The following NELL2 variants were observed in gnomAD, a reference collection of about 807,000 sequenced individuals.
NELL2 encodes protein kinase C-binding protein NELL2.
In NELL2, 41 loss-of-function variants were observed where a neutral mutation model predicts 109.6. The ratio of observed to expected loss-of-function variants is 0.37; its 90% confidence interval spans 0.29 to 0.49. The LOEUF (loss-of-function observed/expected upper bound fraction) is 0.49, where lower values mean the gene tolerates loss of function less well. Ranked by LOEUF, NELL2 falls within the 20% of genes least tolerant of loss-of-function variation. The pLI is 0.98. For missense variants in NELL2, 900 were observed against 1,008.3 expected (o/e 0.89, Z 1.45); for synonymous variants, 355 against 344.7 (o/e 1.03, Z -0.33).
intron 2 of NELL2, among the ~76,000 whole-genome samples, chr12:44,838,045 T>C (rs546736411): frequency 2.0e-5 from 3 of 152,326 alleles, no homozygotes; most frequent in Admixed American, 6.5e-5. Context: ...AAGCACTTCA[T>C]GGAAGAATGG....
intron 2 of NELL2, 160 bp downstream of exon 2, chr12:44,875,065 A>G: frequency 1.0e-6 from 1 of 980,146 alleles, no homozygotes; most frequent in Non-Finnish European, 1.5e-6. Flanking sequence ...AAAACCACTT[A>G]AAAGAGATAG....
intron 9 of NELL2, among the ~76,000 whole-genome samples, chr12:44,756,156 C>T (rs748067427): frequency 3.9e-5 from 6 of 152,102 alleles, no homozygotes; most frequent in Admixed American, 6.6e-5. Flanking sequence ...AATATCCATC[C>T]ATTTCTCCCT....
intron 9 of NELL2, 60 bp from the exon 10 acceptor site, chr12:44,714,801 C>A: frequency 9.2e-7 from 1 of 1,090,532 alleles, no homozygotes; most frequent in South Asian, 1.6e-5. Flanking sequence ...TAGAAGGGAT[C>A]AGATCATCTT....
chr12:44,724,561 C>T (rs899346593), intron 9 of NELL2, among the ~76,000 whole-genome samples: 1 of 151,818 alleles, frequency 6.6e-6, no homozygotes, highest in Admixed American at 6.6e-5. Context: ...AAGTGAAAGA[C>T]CTCTACCAAG....
At chr12:44,617,010 G>A (rs1001433886) in intron 13 of NELL2, among the ~76,000 whole-genome samples, 1 of 152,146 alleles carries the variant, frequency 6.6e-6, no homozygotes, top group African/African-American at 2.4e-5. Context: ...TGAGTTTAAA[G>A]AATGTTCTAT....
intron 1 of NELL2, among the ~76,000 whole-genome samples, chr12:44,901,543 AT>A (rs1438574124): frequency 6.6e-6 from 1 of 152,190 alleles, no homozygotes; most frequent in Non-Finnish European, 1.5e-5. Flanking sequence ...TCCCTAACTC[AT>A]TTTATGAGGC....
chr12:44,799,527 C>G (rs1942758113), intron 3 of NELL2, among the ~76,000 whole-genome samples: 1 of 152,032 alleles, frequency 6.6e-6, no homozygotes, highest in Admixed American at 6.6e-5. Context: ...GTCAACTGCA[C>G]TCTTTCCTTC....
At chr12:44,910,748 A>G (rs1291718502) in intron 1 of NELL2, among the ~76,000 whole-genome samples, 16 of 152,080 alleles carry the variant, frequency 1.1e-4, no homozygotes. Context: ...AAAATGTGGT[A>G]CATATATATG....
chr12:44,842,965 T>C (rs974331918), intron 2 of NELL2, among the ~76,000 whole-genome samples: 5 of 152,144 alleles, frequency 3.3e-5, no homozygotes, highest in African/African-American at 1.2e-4. Flanking sequence ...GAGGAAGCCT[T>C]GCAAACACCT....
intron 13 of NELL2, among the ~76,000 whole-genome samples, chr12:44,662,084 A>G (rs779098081): frequency 1.1e-4 from 17 of 152,202 alleles, no homozygotes; most frequent in Non-Finnish European, 2.5e-4. Context: ...GGAAAATTAT[A>G]TTGAGTTTAG....
chr12:44,709,009 G>C (rs1359130445), intron 11 of NELL2, among the ~76,000 whole-genome samples: 1 of 151,982 alleles, frequency 6.6e-6, no homozygotes, highest in African/African-American at 2.4e-5. Context: ...ATGTAGTTAA[G>C]GTTTCTCTTG....
chr12:44,644,603 T>TAC (rs1491375793), intron 13 of NELL2, among the ~76,000 whole-genome samples: 1 of 88,072 alleles, frequency 1.1e-5, no homozygotes, highest in African/African-American at 5.6e-5. Flanking sequence ...TATATATATA[T>TAC]GTATGTATAT....
chr12:44,774,607 C>T, intron 9 of NELL2, 140 bp downstream of exon 9: 3 of 698,864 alleles, frequency 4.3e-6, no homozygotes, highest in South Asian at 1.9e-5. Flanking sequence ...TCAACCAAAA[C>T]AGAGAAAGTA....
intron 1 of NELL2, among the ~76,000 whole-genome samples, chr12:44,902,492 G>C (rs542755407): frequency 1.3e-5 from 2 of 152,152 alleles, no homozygotes; most frequent in African/African-American, 4.8e-5. Context: ...GTAATGTATA[G>C]ATTCAATGCT....
intron 15 of NELL2, among the ~76,000 whole-genome samples, chr12:44,586,783 T>A (rs1944522955): frequency 6.6e-6 from 1 of 152,178 alleles, no homozygotes; most frequent in African/African-American, 2.4e-5. Flanking sequence ...AAGGGTTATT[T>A]TTTGAAGGAG....
At chr12:44,545,682 G>T (rs12297768) in intron 15 of NELL2, among the ~76,000 whole-genome samples, 5,227 of 152,090 alleles carry the variant, frequency 0.034, 319 homozygotes, top group African/African-American at 0.12. Context: ...ACACATGCTA[G>T]AAAATTACTT....
chr12:44,820,043 T>C (rs1434625046), intron 2 of NELL2, among the ~76,000 whole-genome samples: 1 of 152,168 alleles, frequency 6.6e-6, no homozygotes, highest in African/African-American at 2.4e-5. Context: ...AGGACACAGA[T>C]GAAGATTTTT....
chr12:44,905,995 T>A (rs941271946), intron 1 of NELL2, among the ~76,000 whole-genome samples: 3 of 152,020 alleles, frequency 2.0e-5, no homozygotes, highest in Non-Finnish European at 2.9e-5. Flanking sequence ...TAAACAGTAA[T>A]ACGTGCTATG....
intron 2 of NELL2, among the ~76,000 whole-genome samples, chr12:44,867,956 C>T (rs546424300): frequency 4.6e-5 from 7 of 151,900 alleles, no homozygotes; most frequent in African/African-American, 1.7e-4. Flanking sequence ...CCTGTCTCTA[C>T]TAAAAATACA....
Sources: gnomAD v4.1 joint callset for allele counts (sites outside exome capture counted in the v4.1 genomes callset) on GRCh38, gnomAD v4.1.1 for gene constraint, MANE v1.5 for transcripts, NCBI Gene and HGNC (gene_info 2026-07-23, HGNC 2026-07-21) for gene names.